The following MBD5 variants were observed in gnomAD, a reference collection of about 807,000 sequenced individuals.
MBD5 encodes the protein methyl-CpG-binding domain protein 5.
Under a neutral mutation model 117.3 loss-of-function variants are expected in MBD5, and 13 were observed. The observed-to-expected ratio is 0.11, with a 90% CI of 0.07 to 0.18. MBD5 has a LOEUF of 0.18. MBD5 is among the 10% of genes least tolerant of loss of function. The pLI is 1.00. For synonymous variants in MBD5, 727 were observed against 766.4 expected, an observed-to-expected ratio of 0.95 and a Z score of 0.85; for missense variants, 1,879 against 2,093.8, an observed-to-expected ratio of 0.90 and a Z score of 2.00.
chr2:148,417,999 G>A (rs2105237512), intron 4 of MBD5, among the ~76,000 whole-genome samples: 1 of 151,882 alleles, frequency 6.6e-6, no homozygotes, highest in South Asian at 2.1e-4. Flanking sequence ...ACCACCACGT[G>A]CAACTAATTT....
At chr2:148,069,583 G>C (rs1573979639) in intron 1 of MBD5, among the ~76,000 whole-genome samples, 1 of 152,132 alleles carries the variant, frequency 6.6e-6, no homozygotes, top group South Asian at 2.1e-4. Flanking sequence ...GTAATAAGGA[G>C]TTTGTGGGGA....
chr2:148,233,122 T>G (rs927170252), intron 2 of MBD5, 123 bp from the exon 3 acceptor site: 1 of 152,244 alleles, frequency 6.6e-6, no homozygotes, highest in Non-Finnish European at 1.5e-5. Context: ...AGTCTAAAAT[T>G]CTATGATTTT....
chr2:148,074,484 G>GTT (rs777885277), intron 1 of MBD5, among the ~76,000 whole-genome samples: 1 of 123,166 alleles, frequency 8.1e-6, no homozygotes, highest in African/African-American at 3.6e-5. Flanking sequence ...GGAATAGTTT[G>GTT]TTTTTTTTTT....
chr2:148,273,165 A>G (rs1260129979), intron 3 of MBD5, among the ~76,000 whole-genome samples: 1 of 152,174 alleles, frequency 6.6e-6, no homozygotes, highest in Non-Finnish European at 1.5e-5. Flanking sequence ...TGACTCCATC[A>G]TGCTTCCAAC....
chr2:148,390,864 A>G (rs983011391), intron 4 of MBD5, among the ~76,000 whole-genome samples: 1 of 152,186 alleles, frequency 6.6e-6, no homozygotes, highest in Non-Finnish European at 1.5e-5. Context: ...CCCAGCCTAT[A>G]GTAATAATTG....
Position 148,365,076 on chromosome 2 carries a change from A to G in MBD5, c.-557+22740A>G, listed in dbSNP as rs566475531. The stretch of plus-strand genomic sequence containing the variant: ...CATCACACTTATTCTAAAATTGACC[A>G]CATAATTGAAAGTAAAGCACTCCTC... On this transcript the variant is annotated intron_variant, in intron 4 of 13. Transcript: ENST00000642680. Among the ~76,000 whole-genome samples the G allele has an allele frequency of 7.9e-5, 12 of 152,314 alleles. 1 individual carries two copies. In the South Asian group the frequency reaches 1.7e-3, roughly 21 times the overall value.
At chr2:148,498,611 C>G (rs753625568) in intron 11 of MBD5, among the ~76,000 whole-genome samples, 1 of 152,214 alleles carries the variant, frequency 6.6e-6, no homozygotes. Flanking sequence ...GCTGGGATTA[C>G]AGGCGTGAGC....
At chr2:148,071,401 T>C (rs1207112556) in intron 1 of MBD5, 1 of 151,986 alleles carries the variant, frequency 6.6e-6, no homozygotes. Flanking sequence ...GCAGGTATTG[T>C]GGTAAGTCAC....
At chr2:148,046,189 G>A (rs544340308) in intron 1 of MBD5, among the ~76,000 whole-genome samples, 183 of 151,836 alleles carry the variant, frequency 1.2e-3, no homozygotes, top group South Asian at 8.3e-3. Flanking sequence ...TCACCATGTT[G>A]GCCAGGACGG....
chr2:148,396,939 T>C (rs1210195884), intron 4 of MBD5, among the ~76,000 whole-genome samples: 1 of 152,210 alleles, frequency 6.6e-6, no homozygotes, highest in Non-Finnish European at 1.5e-5. Context: ...TTGAGCGTAC[T>C]GTCTTTTTTT....
chr2:148,368,917 C>A (rs963447609), intron 4 of MBD5, among the ~76,000 whole-genome samples: 2 of 151,732 alleles, frequency 1.3e-5, no homozygotes, highest in Non-Finnish European at 2.9e-5. Flanking sequence ...TAAAGGAAAC[C>A]TACTAATTTG....
chr2:148,426,875 T>C (rs1227294390), intron 4 of MBD5, among the ~76,000 whole-genome samples: 5 of 151,990 alleles, frequency 3.3e-5, no homozygotes, highest in African/African-American at 4.8e-5. Flanking sequence ...ACCTACAGAA[T>C]GGGAGAAAAT....
intron 13 of MBD5, among the ~76,000 whole-genome samples, chr2:148,511,635 C>A (rs926443682): frequency 7.1e-6 from 1 of 140,564 alleles, no homozygotes; most frequent in Non-Finnish European, 1.5e-5. Flanking sequence ...TATGGCTAAA[C>A]AAAATACCAT....
At chr2:148,409,081 T>A (rs1016812230) in intron 4 of MBD5, among the ~76,000 whole-genome samples, 55 of 152,152 alleles carry the variant, frequency 3.6e-4, no homozygotes, top group African/African-American at 1.3e-3. Flanking sequence ...CTTGTGTATA[T>A]TGTCTAAAAT....
chr2:148,195,745 A>C (rs983238693), intron 2 of MBD5, among the ~76,000 whole-genome samples: 1 of 152,192 alleles, frequency 6.6e-6, no homozygotes, highest in African/African-American at 2.4e-5. Context: ...CCAAAAAAGC[A>C]GGAAAACCTC....
chr2:148,317,848 C>G (rs1702190841), intron 3 of MBD5, among the ~76,000 whole-genome samples: 2 of 152,174 alleles, frequency 1.3e-5, no homozygotes, highest in African/African-American at 4.8e-5. Flanking sequence ...TTTTCTTTAT[C>G]CAGTCCTCTG....
chr2:148,285,726 G>T lies in MBD5; in HGVS notation c.-680+52331G>T, dbSNP rs781341232. Among the ~76,000 whole-genome samples the T allele has an allele frequency of 9.5e-4, 145 of 151,948 alleles. 1 individual carries two copies. Among genetic ancestry groups the T allele is most frequent in the South Asian group, 6.2e-4 (3 of 4,808 alleles). On this transcript the variant is annotated intron_variant, in intron 3 of 13. Transcript: ENST00000642680. ...GTTGGGGCATATACTCTAATTCACC[G>T]CATTTTTTTTTAAATAGAGGCAAGC...
In MBD5 at chr2:148,469,012, C is replaced by T; in HGVS notation, c.1069C>T (p.Pro357Ser). The change falls in exon 8 of 14, where the codon CCA becomes TCA. Residue 357 changes from proline (P) to serine (S), a missense_variant. Pro to Ser is a moderately conservative substitution (Grantham distance 74). Coordinates refer to ENST00000642680, the MANE Select transcript of MBD5 (RefSeq NM_001378120.1). ...AAAGCCATTAACATCTGAGAAAGAT[C>T]CACTTGGCATTCTTGACCCTATTCC... is the stretch of plus-strand genomic sequence containing the variant. ...QKKPLTSEKD[P>S]LGILDPIPSK... 1 of 1,613,346 alleles carries T rather than the reference C, an allele frequency of 6.2e-7. No homozygotes were observed. Among genetic ancestry groups the T allele is most frequent in the Non-Finnish European group, 8.5e-7 (1 of 1,179,576 alleles).
chr2:148,203,664 A>G (rs1699200047), intron 2 of MBD5, among the ~76,000 whole-genome samples: 1 of 152,210 alleles, frequency 6.6e-6, no homozygotes, highest in Non-Finnish European at 1.5e-5. Context: ...CTGCAACAGA[A>G]ACAAAATACT....
Sources: gnomAD v4.1 joint callset for allele counts (sites outside exome capture counted in the v4.1 genomes callset) on GRCh38, gnomAD v4.1.1 for gene constraint, MANE v1.5 for transcripts, NCBI Gene and HGNC (gene_info 2026-07-23, HGNC 2026-07-21) for gene names.